PKD1L1: variants seen among roughly 807,000 people sequenced by gnomAD.
PKD1L1 encodes the protein polycystin-1-like protein 1.
Under a neutral mutation model 323.4 loss-of-function variants are expected in PKD1L1, and 236 were observed. The ratio of observed to expected loss-of-function variants is 0.73; its 90% CI spans 0.66 to 0.81. The LOEUF (loss-of-function observed/expected upper bound fraction) is 0.81, where lower values mean the gene tolerates loss of function less well. Among genes scored for constraint, PKD1L1 ranks in the 40% least tolerant of loss-of-function variants. The pLI is 0.00. For missense variants in PKD1L1, 3,320 were observed against 3,508.0 expected, an observed-to-expected ratio of 0.95 and a Z score of 1.35; for synonymous variants, 1,344 against 1,335.0, an observed-to-expected ratio of 1.01 and a Z score of -0.15.
At chr7:47,880,247 G>GATAGATAT (rs1453113715) in intron 21 of PKD1L1, among the ~76,000 whole-genome samples, 15 of 98,278 alleles carry the variant, frequency 1.5e-4, no homozygotes, top group African/African-American at 6.8e-4. Flanking sequence ...GCATAAATAA[G>GATAGATAT]ATATATATAT....
rs753292909 is a variant in PKD1L1 at position 47,885,705 on chromosome 7, G to A, written c.3186C>T (p.Ser1062=). Residue 1062 remains serine (S), a synonymous_variant, in exon 18 of 57, where the codon AGC becomes AGT. Transcript: ENST00000289672. The part of the protein sequence containing the change: ...GRSERSQPTH[S]PDPHLSDFEA... ...ACTTACCAGAGAGGTGAGGGTCAGG[G>A]CTGTGGGTGGGCTGACTTCTCTCAG... is the stretch of plus-strand genomic sequence containing the variant. 9.3e-6 allele frequency: 15 copies of A among 1,613,586 alleles called. No individual in the cohort carries two copies. The South Asian group carries it at 1.5e-4, about 17-fold the overall frequency.
chr7:47,882,676 T>C (rs1156312589), intron 19 of PKD1L1, among the ~76,000 whole-genome samples: 3 of 118,982 alleles, frequency 2.5e-5, no homozygotes, highest in Non-Finnish European at 5.1e-5. Context: ...GCCCTAGTGG[T>C]TGGAGGGTGG....
chr7:47,843,814 A>T lies in PKD1L1; in HGVS notation c.5238-645T>A, dbSNP rs546747162. On this transcript the variant is annotated intron_variant, in intron 33 of 56. Transcript: ENST00000289672. ...TGGAGTCTTACAGATTTGTGATGGG[A>T]TCTCAGAGGGTGGGCACCAGGGTCT... 6.6e-5 allele frequency among the ~76,000 whole-genome samples: 10 copies of T among 152,200 alleles called. No homozygotes were observed. The South Asian group carries it at 1.0e-3, about 16-fold the overall frequency.
chr7:47,903,478 A>G (rs1005321529), intron 12 of PKD1L1, among the ~76,000 whole-genome samples: 1 of 152,178 alleles, frequency 6.6e-6, no homozygotes, highest in Non-Finnish European at 1.5e-5. Flanking sequence ...TCTACAAGCC[A>G]CTACTGCTCA....
chr7:47,947,699 G>A (rs6463455), intron 1 of PKD1L1, among the ~76,000 whole-genome samples: 50,214 of 152,164 alleles, frequency 0.33, 10,156 homozygotes, highest in African/African-American at 0.56. Flanking sequence ...TGGGTGCGGT[G>A]GCTTATGCCT....
intron 41 of PKD1L1, among the ~76,000 whole-genome samples, chr7:47,832,203 G>C (rs569290443): frequency 9.8e-5 from 15 of 152,316 alleles, no homozygotes; most frequent in African/African-American, 3.4e-4. Context: ...CAGTGGCGTT[G>C]TCCTAAGCCA....
intron 56 of PKD1L1, among the ~76,000 whole-genome samples, chr7:47,779,877 G>A (rs1222583822): frequency 2.6e-5 from 4 of 152,174 alleles, no homozygotes; most frequent in Non-Finnish European, 5.9e-5. Context: ...GAGAAAGGAG[G>A]TGCCCAGAAA....
chr7:47,815,556 C>T, intron 46 of PKD1L1, 99 bp from the exon 47 acceptor site: 1 of 1,377,364 alleles, frequency 7.3e-7, no homozygotes, highest in Non-Finnish European at 1.0e-6. Context: ...TTCTCTCATT[C>T]AGATTTCAGG....
rs1238149686 is a variant in PKD1L1, at chr7:47,839,417, C to T, written c.5769+29G>A. ...ATGCTCTGCCGGTCAGCCAGGTGCG[C>T]CACGAGAGGCCACCTGGAGGGAGCC... is the stretch of plus-strand genomic sequence containing the variant. On this transcript the variant is annotated intron_variant, in intron 36 of 56. Coordinates refer to ENST00000289672, the MANE Select transcript of PKD1L1 (RefSeq NM_138295.5). This position sits in a 1 kb window ranked among gnomAD's most constrained non-coding sequence, Gnocchi z 4.3. The T allele has an allele frequency of 7.0e-6, 11 of 1,573,236 alleles. No homozygotes were observed. Among genetic ancestry groups the T allele is most frequent in the African/African-American group, 1.3e-5 (1 of 74,432 alleles).
At chr7:47,906,289 T>C (rs1787205166) in intron 9 of PKD1L1, among the ~76,000 whole-genome samples, 1 of 152,238 alleles carries the variant, frequency 6.6e-6, no homozygotes, top group African/African-American at 2.4e-5. Flanking sequence ...GTACACTAAG[T>C]AGTCTTCACT....
At chr7:47,869,754 T>C (rs1021146338) in intron 24 of PKD1L1, among the ~76,000 whole-genome samples, 3 of 152,144 alleles carry the variant, frequency 2.0e-5, no homozygotes, top group African/African-American at 7.2e-5. Flanking sequence ...CAGATAACCA[T>C]TGAACATTTA....
At chr7:47,959,743 G>T in the PKD1L1 span, among the ~76,000 whole-genome samples, 98 of 144,450 alleles carry the variant, frequency 6.8e-4, 1 homozygote, top group Middle Eastern at 0.015. Flanking sequence ...CCGGGAGGGA[G>T]GTGGAGGGGT....
At chr7:47,835,435 C>CG (rs1785437353) in intron 37 of PKD1L1, among the ~76,000 whole-genome samples, 192 bp from the exon 38 acceptor site, 1 of 152,198 alleles carries the variant, frequency 6.6e-6, no homozygotes, top group Non-Finnish European at 1.5e-5. Context: ...GAGTCTTTCT[C>CG]TGTCGCCCAG....
chr7:47,834,163 G>A (rs1364638242), intron 40 of PKD1L1, among the ~76,000 whole-genome samples, 176 bp downstream of exon 40: 1 of 152,220 alleles, frequency 6.6e-6, no homozygotes, highest in Non-Finnish European at 1.5e-5. Flanking sequence ...CCTCCCTCTA[G>A]GGAGGACGGC....
intron 24 of PKD1L1, among the ~76,000 whole-genome samples, chr7:47,868,143 G>A (rs905736320): frequency 1.3e-5 from 2 of 152,142 alleles, no homozygotes; most frequent in African/African-American, 4.8e-5. Context: ...TGAGGCATGT[G>A]GATCACCTGA....
chr7:47,869,957 T>TA (rs1323769538), intron 24 of PKD1L1, among the ~76,000 whole-genome samples: 2 of 152,026 alleles, frequency 1.3e-5, no homozygotes, highest in Non-Finnish European at 2.9e-5. Context: ...TACAAATATG[T>TA]AAAAAAGTAA....
At chr7:47,864,626 TTC>T (rs1287108274) in intron 26 of PKD1L1, among the ~76,000 whole-genome samples, 6 of 144,290 alleles carry the variant, frequency 4.2e-5, no homozygotes, top group Non-Finnish European at 7.6e-5. Context: ...CTTTCTTTCT[TTC>T]TTTCTTTCCT....
At chr7:47,921,993 C>A (rs7791041) in intron 7 of PKD1L1, among the ~76,000 whole-genome samples, 4 of 151,532 alleles carry the variant, frequency 2.6e-5, no homozygotes, top group African/African-American at 9.7e-5. Context: ...CTGCCATCTC[C>A]ACTCACTGCA....
chr7:47,940,206 G>T lies in PKD1L1; in HGVS notation c.272C>A (p.Ala91Asp). Residue 91 changes from alanine to aspartate, a missense_variant, in exon 3 of 57, where the codon GCT (alanine) becomes GAT (aspartate). Coordinates refer to ENST00000289672, the MANE Select transcript of PKD1L1 (RefSeq NM_138295.5). The stretch of plus-strand genomic sequence containing the variant: ...ATCCAGGAATACCTTCTGCCTGGAA[G>T]CTGATGAGGATGGGCTCTGTGATTC... ...DRESQSPSSS[A>D]SRQKNIWKTT... is the part of the protein sequence containing the mutation. The T allele has an allele frequency of 6.2e-7, 1 of 1,614,206 alleles. No individual in the cohort carries two copies. The highest frequency in any genetic ancestry group is 8.5e-7 in the Non-Finnish European group (1 of 1,180,032).
Sources: allele counts gnomAD v4.1 joint callset (sites outside exome capture counted in the v4.1 genomes callset), GRCh38; gene constraint gnomAD v4.1.1; non-coding constraint Gnocchi (gnomAD v3.1); transcripts MANE v1.5; gene names NCBI Gene and HGNC (gene_info 2026-07-23, HGNC 2026-07-21).